The following RILPL1 variants were observed in gnomAD, a reference collection of about 807,000 sequenced individuals.
RILPL1 encodes the protein Rab interacting lysosomal protein like 1.
RILPL1 carries 33 observed loss-of-function variants against 50.3 expected under a neutral mutation model. That is an observed-to-expected ratio of 0.66 (90% CI 0.50 to 0.88). RILPL1 has a LOEUF of 0.88. Ranked by LOEUF, RILPL1 falls within the 40% of genes least tolerant of loss-of-function variation. The probability of loss-of-function intolerance (pLI) is 0.00; values close to 1 mark genes in which losing one functional copy is unlikely to be tolerated. For synonymous variants in RILPL1, 205 were observed against 228.6 expected (o/e 0.90, Z 0.93); for missense variants, 418 against 542.5 (o/e 0.77, Z 2.28).
intron 2 of RILPL1, among the ~76,000 whole-genome samples, chr12:123,510,355 T>G (rs989675307): frequency 6.6e-6 from 1 of 152,092 alleles, no homozygotes; most frequent in Non-Finnish European, 1.5e-5. Context: ...CTTGGGCATG[T>G]GGGGGGTGTG....
rs148905649 is a variant in RILPL1 at position 123,476,751 on chromosome 12, T to C, written c.1068-4069A>G. Among the ~76,000 whole-genome samples the C allele has an allele frequency of 1.4e-4, 21 of 152,294 alleles. No homozygotes were observed. In the East Asian group the frequency reaches 4.0e-3, roughly 29 times the overall value. ...ATCGTGGCCTTCTGGCCTCCGGAAG[T>C]GGGAGACAATACCTGACTGTTATTG... On this transcript the variant is annotated intron_variant, in intron 6 of 6. Transcript: ENST00000376874.
At chr12:123,476,650 C>T (rs1179859399) in intron 6 of RILPL1, among the ~76,000 whole-genome samples, 1 of 152,028 alleles carries the variant, frequency 6.6e-6, no homozygotes, top group Admixed American at 6.6e-5. Flanking sequence ...CCCCAGCAGC[C>T]ACCAGAAATG....
At position 123,533,577 on chromosome 12, in the gene RILPL1, C is replaced by CGCGG; in HGVS notation, c.-99_-96dup. ...CGGGCCGGCCGGGCCCAGCCTGGGCCGCGGGCGGGCGCGCTCAGCGGGCGC... is the reference window on the plus strand; with the variant it reads ...CGGGCCGGCCGGGCCCAGCCTGGGCCGCGGGCGGGCGGGCGCGCTCAGCGGGCGC... On this transcript the variant is annotated 5_prime_UTR_variant, in exon 1 of 7. Coordinates refer to ENST00000376874, the MANE Select transcript of RILPL1 (RefSeq NM_178314.5). This position sits in a 1 kb window ranked among gnomAD's most constrained non-coding sequence, Gnocchi z 6.2. The CGCGG allele has an allele frequency of 1.9e-6, 2 of 1,063,124 alleles. No homozygotes were observed. Among genetic ancestry groups the CGCGG allele is most frequent in the African/African-American group, 1.7e-5 (1 of 60,154 alleles). The allele number at this position is 1,063,124 out of a possible 1,614,324, so 65.9% of individuals were successfully genotyped here. A position where few individuals can be genotyped will look rare whatever the true frequency, so the allele number is the denominator to read the frequency against.
chr12:123,503,021 G>A (rs1041476066), intron 2 of RILPL1, among the ~76,000 whole-genome samples: 28 of 151,452 alleles, frequency 1.8e-4, no homozygotes, highest in Non-Finnish European at 3.5e-4. Context: ...CCAAGTAGCT[G>A]GGACTACAGG....
chr12:123,477,460 T>G (rs1453102811), intron 6 of RILPL1, among the ~76,000 whole-genome samples: 1 of 148,778 alleles, frequency 6.7e-6, no homozygotes, highest in Admixed American at 6.8e-5. Context: ...TGCCTCAGCC[T>G]CCCCAGTAGC....
intron 1 of RILPL1, among the ~76,000 whole-genome samples, chr12:123,525,322 A>T (rs1876452757): frequency 6.6e-6 from 1 of 150,578 alleles, no homozygotes; most frequent in Non-Finnish European, 1.5e-5. Context: ...GGCTCAAGTG[A>T]TCCTCCCACC....
At chr12:123,511,450 T>G (rs1244664863) in intron 2 of RILPL1, among the ~76,000 whole-genome samples, 1 of 112,754 alleles carries the variant, frequency 8.9e-6, no homozygotes, top group Non-Finnish European at 1.7e-5. Context: ...GGTCTCTGTG[T>G]GGTGTGTGTG....
intron 1 of RILPL1, among the ~76,000 whole-genome samples, chr12:123,530,321 A>T (rs1885402218): frequency 6.6e-6 from 1 of 152,080 alleles, no homozygotes; most frequent in African/African-American, 2.4e-5. Flanking sequence ...ACTCGCCACC[A>T]TGCCCGGCTA....
At chr12:123,525,846 G>C (rs1885232446) in intron 1 of RILPL1, among the ~76,000 whole-genome samples, 1 of 151,672 alleles carries the variant, frequency 6.6e-6, no homozygotes, top group African/African-American at 2.4e-5. Flanking sequence ...TGCCCAGCCA[G>C]AAGTGTACAC....
intron 4 of RILPL1, among the ~76,000 whole-genome samples, chr12:123,488,058 C>T (rs1035979058): frequency 2.6e-5 from 4 of 152,060 alleles, no homozygotes; most frequent in African/African-American, 9.7e-5. Flanking sequence ...CCGTGACCAA[C>T]CAGGAGTAGA....
intron 2 of RILPL1, among the ~76,000 whole-genome samples, chr12:123,509,389 C>A (rs1018989975): frequency 9.9e-5 from 15 of 151,950 alleles, no homozygotes; most frequent in Non-Finnish European, 1.5e-4. Context: ...CACGGAGAAA[C>A]CCCATCTCTA....
intron 6 of RILPL1, among the ~76,000 whole-genome samples, chr12:123,479,066 A>C (rs1881789026): frequency 6.6e-6 from 1 of 152,174 alleles, no homozygotes; most frequent in African/African-American, 2.4e-5. Flanking sequence ...CTGTGCAGAC[A>C]AGGGGCCACC....
At chr12:123,493,201 G>A (rs1313159448) in intron 4 of RILPL1, among the ~76,000 whole-genome samples, 2 of 152,202 alleles carry the variant, frequency 1.3e-5, no homozygotes, top group African/African-American at 4.8e-5. Context: ...CTGGAGGTGG[G>A]ACATGCGGGC....
intron 6 of RILPL1, among the ~76,000 whole-genome samples, chr12:123,480,330 T>C (rs1881883006): frequency 6.6e-6 from 1 of 151,702 alleles, no homozygotes; most frequent in African/African-American, 2.4e-5. Flanking sequence ...CTGGCTAATT[T>C]TTTTGTATTT....
chr12:123,482,681 C>T lies in RILPL1; in HGVS notation c.1067+1499G>A, dbSNP rs117027704. 6.3e-3 allele frequency among the ~76,000 whole-genome samples: 940 copies of T among 150,186 alleles called. 28 individuals are homozygous for T. The highest frequency in any genetic ancestry group is 0.061 in the East Asian group (312 of 5,078). ...TCACCCTAGCTGGAGTGCAGTGGTA[C>T]AATCTTGGCTCACTGAAGCCTCAAC... is the stretch of plus-strand genomic sequence containing the variant. On this transcript the variant is annotated intron_variant, in intron 6 of 6. Coordinates refer to ENST00000376874, the MANE Select transcript of RILPL1 (RefSeq NM_178314.5).
Position 123,486,763 on chromosome 12 carries a change from C to G in RILPL1, c.802-958G>C, listed in dbSNP as rs985020027. On this transcript the variant is annotated intron_variant, in intron 4 of 6. Transcript: ENST00000376874. ...CAAGCGATTCTTGTGCCTCAGCCTC[C>G]CGAGTAGCTGGGATTACAGGTGTGT... Among the ~76,000 whole-genome samples, 11 of 151,838 alleles carry G rather than the reference C, an allele frequency of 7.2e-5. No homozygotes were observed. In the South Asian group the frequency reaches 1.0e-3, roughly 14 times the overall value.
At chr12:123,496,005 CT>C (rs896624102) in intron 4 of RILPL1, among the ~76,000 whole-genome samples, 90 of 150,194 alleles carry the variant, frequency 6.0e-4, no homozygotes, top group African/African-American at 2.1e-3. Flanking sequence ...TTAACCACTC[CT>C]TTTTTTTTCT....
At chr12:123,501,129 A>G (rs1360970879) in intron 2 of RILPL1, among the ~76,000 whole-genome samples, 1 of 151,312 alleles carries the variant, frequency 6.6e-6, no homozygotes, top group African/African-American at 2.4e-5. Context: ...AGTAAATAAA[A>G]TTTAAAAATA....
chr12:123,502,197 A>C (rs1414092152), intron 2 of RILPL1, among the ~76,000 whole-genome samples: 1 of 152,234 alleles, frequency 6.6e-6, no homozygotes, highest in Non-Finnish European at 1.5e-5. Flanking sequence ...AACGATTTTT[A>C]AAGGAAAAAA....
Sources: gnomAD v4.1 joint callset for allele counts (sites outside exome capture counted in the v4.1 genomes callset) on GRCh38, gnomAD v4.1.1 for gene constraint, Gnocchi (gnomAD v3.1) non-coding constraint, MANE v1.5 for transcripts, NCBI Gene and HGNC (gene_info 2026-07-23, HGNC 2026-07-21) for gene names.